Variants in PTPRC observed in about 807,000 individuals in gnomAD.
PTPRC encodes the protein receptor-type tyrosine-protein phosphatase C.
In PTPRC, 44 loss-of-function variants were observed where a neutral mutation model predicts 155.9. That is an observed-to-expected ratio of 0.28 (90% CI 0.22 to 0.36). PTPRC has a LOEUF of 0.36. PTPRC is among the 10% of genes least tolerant of loss of function. The probability of loss-of-function intolerance (pLI) is 1.00; values close to 1 mark genes in which losing one functional copy is unlikely to be tolerated. For missense variants in PTPRC, 1,401 were observed against 1,564.6 expected, an observed-to-expected ratio of 0.90 and a Z score of 1.76; for synonymous variants, 525 against 533.1, an observed-to-expected ratio of 0.98 and a Z score of 0.21.
chr1:198,750,542 G>T lies in PTPRC; in HGVS notation c.3123G>T (p.Glu1041Asp), dbSNP rs1287465055. ...VMIAAQGPLK[E>D]TIGDFWQMIF... ...TTGCTGCTCAGGGACCACTGAAGGA[G>T]ACCATTGGTGACTTTTGGCAGATGA... The change falls in exon 29 of 33, where the codon GAG becomes GAT. Residue 1041 changes from glutamate (E) to aspartate (D), a missense_variant. By Grantham distance (45) the Glu-to-Asp change is conservative. Transcript: ENST00000442510. 2 of 1,612,042 alleles carry T rather than the reference G, an allele frequency of 1.2e-6. No homozygotes were observed. The highest frequency in any genetic ancestry group is 1.1e-5 in the South Asian group (1 of 91,042).
At chr1:198,715,289 AT>A (rs1259858124) in intron 12 of PTPRC, among the ~76,000 whole-genome samples, 2 of 151,244 alleles carry the variant, frequency 1.3e-5, no homozygotes, top group Non-Finnish European at 2.9e-5. Flanking sequence ...CGCCCGGCTA[AT>A]TTTTTTGTAT....
At position 198,639,275 on chromosome 1, in the gene PTPRC, A is replaced by G. The variant is rs368929179; in HGVS notation, c.7A>G (p.Met3Val). 3.1e-6 allele frequency: 5 copies of G among 1,613,354 alleles called. No homozygotes were observed. Among genetic ancestry groups the G allele is most frequent in the African/African-American group, 1.3e-5 (1 of 75,004 alleles). MT[M>V]YLWLKLLAFG... ...ACACGGCTGACTTCCAGATATGACC[A>G]TGTATTTGTGGCTTAAACTCTTGGC... Residue 3 changes from methionine to valine, a missense_variant, in exon 2 of 33, where the codon ATG (methionine) becomes GTG (valine). Coordinates refer to ENST00000442510, the MANE Select transcript of PTPRC (RefSeq NM_002838.5).
intron 2 of PTPRC, chr1:198,679,695 T>C: frequency 2.8e-6 from 1 of 352,468 alleles, no homozygotes; most frequent in South Asian, 8.4e-5. Flanking sequence ...GACATAGCGG[T>C]GGAGATCTGT....
chr1:198,652,925 C>G (rs1663335362), intron 2 of PTPRC, among the ~76,000 whole-genome samples: 1 of 151,708 alleles, frequency 6.6e-6, no homozygotes, highest in Non-Finnish European at 1.5e-5. Context: ...AGATCAAAGG[C>G]AAGTGGAACC....
intron 2 of PTPRC, among the ~76,000 whole-genome samples, chr1:198,642,941 T>A (rs554552590): frequency 6.7e-6 from 1 of 150,240 alleles, no homozygotes; most frequent in South Asian, 2.1e-4. Context: ...TCTTTCTTTC[T>A]TTCTTTCTTT....
Position 198,756,821 on chromosome 1 carries a change from A to ATG in PTPRC, c.*642_*643dup, listed in dbSNP as rs1655699207. On this transcript the variant is annotated 3_prime_UTR_variant, in exon 33 of 33. Coordinates refer to ENST00000442510, the MANE Select transcript of PTPRC (RefSeq NM_002838.5). ...ATTCCATATATTAGCATTTAGTCCAATGTCTTTTTAAGCTTATTTAATTAA... is the reference window on the plus strand; with the variant it reads ...ATTCCATATATTAGCATTTAGTCCAATGTGTCTTTTTAAGCTTATTTAATTAA... 1 of 151,966 alleles carries ATG rather than the reference A, an allele frequency of 6.6e-6. No homozygotes were observed. The highest frequency in any genetic ancestry group is 1.5e-5 in the Non-Finnish European group (1 of 67,928). 9.4% of individuals were successfully genotyped at this position (151,966 alleles called of 1,614,324 possible).
At position 198,706,883 on chromosome 1, in the gene PTPRC, G is replaced by A. The variant is rs1189209220; in HGVS notation, c.835G>A (p.Ala279Thr). 8 of 1,613,672 alleles carry A rather than the reference G, an allele frequency of 5.0e-6. No individual in the cohort carries two copies. The highest frequency in any genetic ancestry group is 6.8e-6 in the Non-Finnish European group (8 of 1,179,608). ...GCATAACCTTACAGAATGTAAAAAT[G>A]CGTCTGTTTCCATATCTCATAATTC... Reference protein sequence around the residue: ...EVHNLTECKNASVSISHNSCT... With the variant: ...EVHNLTECKNTSVSISHNSCT... Residue 279 changes from alanine to threonine, a missense_variant, in exon 9 of 33, where the codon GCG becomes ACG. By Grantham distance (58) the Ala-to-Thr change is moderately conservative. Coordinates refer to ENST00000442510, the MANE Select transcript of PTPRC (RefSeq NM_002838.5).
intron 2 of PTPRC, among the ~76,000 whole-genome samples, chr1:198,679,396 AT>A (rs34684883): frequency 0.54 from 59,624 of 109,864 alleles, 15,467 homozygotes; most frequent in East Asian, 0.69. Context: ...ACGCCCAGCT[AT>A]TTTTTTTTTT....
intron 32 of PTPRC, 160 bp downstream of exon 32, chr1:198,754,564 C>T: frequency 4.7e-6 from 4 of 851,502 alleles, no homozygotes; most frequent in Non-Finnish European, 7.1e-6. Flanking sequence ...AGCTTTTCTA[C>T]TTTTACATGA....
At chr1:198,719,573 TTTTTG>T (rs375373370) in intron 14 of PTPRC, among the ~76,000 whole-genome samples, 2,264 of 152,214 alleles carry the variant, frequency 0.015, 26 homozygotes, top group Non-Finnish European at 0.016. Flanking sequence ...TCATATTCTT[TTTTTG>T]TTTTGTTTTG....
intron 2 of PTPRC, among the ~76,000 whole-genome samples, chr1:198,680,676 A>C (rs909183649): frequency 1.3e-5 from 2 of 152,092 alleles, no homozygotes; most frequent in Admixed American, 6.5e-5. Context: ...TTGTCAGTTT[A>C]GAAACTGAGT....
chr1:198,682,523 T>C (rs1271685501), intron 2 of PTPRC, among the ~76,000 whole-genome samples: 1 of 152,222 alleles, frequency 6.6e-6, no homozygotes, highest in East Asian at 1.9e-4. Flanking sequence ...AACACGTTTC[T>C]ACATAACTAG....
intron 2 of PTPRC, among the ~76,000 whole-genome samples, chr1:198,687,199 C>T (rs1665677202): frequency 6.6e-6 from 1 of 152,032 alleles, no homozygotes; most frequent in African/African-American, 2.4e-5. Flanking sequence ...TGCATGTTTC[C>T]CAGACTGGAT....
At position 198,756,212 on chromosome 1, in the gene PTPRC, T is replaced by A. The variant is rs375555772; in HGVS notation, c.*31T>A. The A allele has an allele frequency of 6.2e-7, 1 of 1,611,244 alleles. No homozygotes were observed. The highest frequency in any genetic ancestry group is 1.3e-5 in the African/African-American group (1 of 74,790). On this transcript the variant is annotated 3_prime_UTR_variant, in exon 33 of 33. Transcript: ENST00000442510. ...GACATAAATGAGGAAACTCCAAACC[T>A]CCTGTTAGCTGTTATTTCTATTTTT...
intron 8 of PTPRC, among the ~76,000 whole-genome samples, chr1:198,705,699 G>T (rs1652920930): frequency 6.6e-6 from 1 of 152,002 alleles, no homozygotes; most frequent in African/African-American, 2.4e-5. Context: ...AGGATTACAG[G>T]CATGATCCAC....
chr1:198,665,258 T>G (rs1042420608), intron 2 of PTPRC, among the ~76,000 whole-genome samples: 1 of 151,092 alleles, frequency 6.6e-6, no homozygotes, highest in African/African-American at 2.4e-5. Flanking sequence ...CCTGGCTAAT[T>G]TTTCTTTTTT....
At chr1:198,696,681 T>C in intron 3 of PTPRC, 31 bp from the exon 4 acceptor site, 1 of 1,563,012 alleles carries the variant, frequency 6.4e-7, no homozygotes, top group Non-Finnish European at 8.8e-7. Flanking sequence ...ATATTTATTT[T>C]GTCCTTCTCC....
rs371684518 is a variant in PTPRC, at chr1:198,732,286, G to A, written c.1975-14G>A. The A allele has an allele frequency of 1.9e-4, 299 of 1,598,786 alleles. No individual in the cohort carries two copies. The highest frequency in any genetic ancestry group is 2.5e-4 in the Non-Finnish European group (286 of 1,167,002). ...TGAATCTGCTGTGATCCAAGAAATC[G>A]TTGTTTCTTTCAGAGCATCCCGCGG... On this transcript the variant is annotated splice_polypyrimidine_tract_variant and intron_variant, in intron 18 of 32. Transcript: ENST00000442510.
chr1:198,639,383 CTT>C (rs926264983), intron 2 of PTPRC, 42 bp downstream of exon 2: 33 of 1,445,470 alleles, frequency 2.3e-5, no homozygotes, highest in Non-Finnish European at 3.0e-5. Context: ...TATTTTTTCT[CTT>C]TTGGAGGAAT....
Sources: allele counts gnomAD v4.1 joint callset (sites outside exome capture counted in the v4.1 genomes callset), GRCh38; gene constraint gnomAD v4.1.1; transcripts MANE v1.5; gene names NCBI Gene and HGNC (gene_info 2026-07-23, HGNC 2026-07-21).